Variants in ANTXR1 observed in about 807,000 individuals in gnomAD.
The protein encoded by ANTXR1 is anthrax toxin receptor 1.
ANTXR1 carries 19 observed loss-of-function variants against 78.1 expected under a neutral mutation model. That is an observed-to-expected ratio of 0.24 (90% CI 0.17 to 0.36). The LOEUF is 0.36. ANTXR1 is among the 10% of genes least tolerant of loss of function. The pLI is 1.00. For synonymous variants in ANTXR1, 273 were observed against 260.5 expected (o/e 1.05, Z -0.46); for missense variants, 518 against 718.6 (o/e 0.72, Z 3.19).
chr2:69,124,778 C>A, intron 12 of ANTXR1, 135 bp downstream of exon 12: 1 of 865,552 alleles, frequency 1.2e-6, no homozygotes, highest in Non-Finnish European at 1.9e-6. Context: ...GCTTTGATCC[C>A]AGCACTGCTC....
At chr2:69,071,369 A>C (rs1015606638) in intron 4 of ANTXR1, among the ~76,000 whole-genome samples, 4 of 152,242 alleles carry the variant, frequency 2.6e-5, no homozygotes, top group African/African-American at 9.6e-5. Context: ...ACTGTACTAT[A>C]CATTGTAGGC....
intron 12 of ANTXR1, 116 bp downstream of exon 12, chr2:69,124,759 G>A: frequency 9.6e-7 from 1 of 1,041,578 alleles, no homozygotes; most frequent in Non-Finnish European, 1.5e-6. Flanking sequence ...TCTTCGTTCT[G>A]CTTGCTGAGC....
intron 1 of ANTXR1, among the ~76,000 whole-genome samples, chr2:69,030,814 A>G (rs1671508853): frequency 6.6e-6 from 1 of 152,200 alleles, no homozygotes; most frequent in Non-Finnish European, 1.5e-5. Flanking sequence ...ATGAATAGCA[A>G]AGTACACCAA....
intron 17 of ANTXR1, among the ~76,000 whole-genome samples, chr2:69,202,224 C>G (rs970880170): frequency 6.6e-6 from 1 of 152,084 alleles, no homozygotes; most frequent in South Asian, 2.1e-4. Flanking sequence ...TAAGAAGGAC[C>G]AGCCAAGAGA....
rs953116472 is a variant in ANTXR1, at chr2:69,246,480, GTTTTT to G, written c.*997_*1001del. 1.3e-5 allele frequency: 2 copies of G among 151,726 alleles called. No individual in the cohort carries two copies. Among genetic ancestry groups the G allele is most frequent in the East Asian group, 3.8e-4 (2 of 5,198 alleles). The allele number at this position is 151,726 out of a possible 1,614,324, so 9.4% of individuals were successfully genotyped here. The stretch of plus-strand genomic sequence containing the variant: ...TATCACTAGTTTTTTTTGTTTGTTT[GTTTTT>G]TGTTTTTTTTCTTGGTAAAGCCATG... On this transcript the variant is annotated 3_prime_UTR_variant, in exon 18 of 18. Coordinates refer to ENST00000303714, the MANE Select transcript of ANTXR1 (RefSeq NM_032208.3).
intron 3 of ANTXR1, among the ~76,000 whole-genome samples, chr2:69,063,929 G>C (rs926331411): frequency 6.6e-6 from 1 of 151,680 alleles, no homozygotes; most frequent in African/African-American, 2.4e-5. Flanking sequence ...GTTTTTAAAA[G>C]CTAATAGATG....
Position 69,245,482 on chromosome 2 carries a change from C to T in ANTXR1, c.1692C>T (p.Val564=), listed in dbSNP as rs767070761. The stretch of plus-strand genomic sequence containing the variant: ...CCCGCCCTCCTCCAAGGCCTTCTGT[C>T]TAGAGCCCAAAGTTCCTGCTCTGGG... ...PPSRPPPRPS[V] The change falls in exon 18 of 18, where the codon GTC becomes GTT. Residue 564 remains valine (V), a synonymous_variant. Coordinates refer to ENST00000303714, the MANE Select transcript of ANTXR1 (RefSeq NM_032208.3). 4.8e-5 allele frequency: 77 copies of T among 1,612,634 alleles called. No homozygotes were observed. The Admixed American group carries it at 1.2e-3, about 26-fold the overall frequency.
At chr2:69,242,608 G>A (rs1378904099) in intron 17 of ANTXR1, among the ~76,000 whole-genome samples, 1 of 152,160 alleles carries the variant, frequency 6.6e-6, no homozygotes, top group African/African-American at 2.4e-5. Flanking sequence ...CTCAACCCCA[G>A]GCACCAGCAG....
At chr2:69,092,832 G>C (rs919478296) in intron 9 of ANTXR1, among the ~76,000 whole-genome samples, 3 of 152,172 alleles carry the variant, frequency 2.0e-5, no homozygotes, top group Non-Finnish European at 1.5e-5. Context: ...TCAGGTAGAG[G>C]AATTGAGTAG....
chr2:69,187,823 T>C (rs1030417188), intron 16 of ANTXR1, among the ~76,000 whole-genome samples: 13 of 151,534 alleles, frequency 8.6e-5, no homozygotes, highest in Non-Finnish European at 1.8e-4. Context: ...TCTCTTGACC[T>C]CTTGATCTGA....
At chr2:69,223,192 G>A (rs1468876748) in intron 17 of ANTXR1, among the ~76,000 whole-genome samples, 1 of 152,190 alleles carries the variant, frequency 6.6e-6, no homozygotes, top group Non-Finnish European at 1.5e-5. Context: ...CACTTCAAGT[G>A]TGCATGGATA....
chr2:69,077,039 A>T (rs775927510), intron 7 of ANTXR1, among the ~76,000 whole-genome samples: 5 of 152,238 alleles, frequency 3.3e-5, no homozygotes, highest in Admixed American at 6.5e-5. Context: ...CTTGATTCAG[A>T]TAAAGTTGCC....
In ANTXR1 at chr2:69,245,211, C is replaced by A; in HGVS notation, c.1435-14C>A. 5 of 1,614,044 alleles carry A rather than the reference C, an allele frequency of 3.1e-6. No individual in the cohort carries two copies. The highest frequency in any genetic ancestry group is 4.2e-6 in the Non-Finnish European group (5 of 1,180,008). ...CCGTCCGCTCACGTTTCCTTCTCTC[C>A]AATTCTTTTCTAGGGGCGCTGCATC... is the stretch of plus-strand genomic sequence containing the variant. On this transcript the variant is annotated splice_polypyrimidine_tract_variant and intron_variant, in intron 17 of 17. Transcript: ENST00000303714.
intron 17 of ANTXR1, 26 bp from the exon 18 acceptor site, chr2:69,245,199 T>A (rs376269197): frequency 3.7e-5 from 60 of 1,613,294 alleles, no homozygotes; most frequent in Non-Finnish European, 4.9e-5. Context: ...TCCGCTCACG[T>A]TTCCTTCTCT....
chr2:69,177,489 C>T (rs896420084), intron 14 of ANTXR1, among the ~76,000 whole-genome samples: 2 of 152,190 alleles, frequency 1.3e-5, no homozygotes, highest in African/African-American at 2.4e-5. Context: ...CAGAAGGGGC[C>T]TCTACCATCT....
At chr2:69,103,430 A>AC (rs140560308) in intron 10 of ANTXR1, 20,200 of 194,040 alleles carry the variant, frequency 0.1, 1,452 homozygotes, top group African/African-American at 0.21. Flanking sequence ...CGAAAACCAA[A>AC]CCATTAGGCT....
intron 17 of ANTXR1, among the ~76,000 whole-genome samples, chr2:69,223,940 T>C (rs140489926): frequency 1.0e-3 from 154 of 152,362 alleles, no homozygotes; most frequent in African/African-American, 3.4e-3. Context: ...ACCCTTCCCT[T>C]AGAGTTTTCA....
intron 13 of ANTXR1, among the ~76,000 whole-genome samples, chr2:69,163,231 A>T (rs1480145272): frequency 6.6e-6 from 1 of 151,972 alleles, no homozygotes; most frequent in Non-Finnish European, 1.5e-5. Flanking sequence ...GATGGCTATG[A>T]CTCAGCGTCT....
intron 17 of ANTXR1, among the ~76,000 whole-genome samples, chr2:69,219,890 C>T (rs962192787): frequency 7.9e-5 from 12 of 152,008 alleles, no homozygotes; most frequent in Non-Finnish European, 1.8e-4. Context: ...TTGAGCCCTC[C>T]CATAAGCATC....
Sources: allele counts gnomAD v4.1 joint callset (sites outside exome capture counted in the v4.1 genomes callset), GRCh38; gene constraint gnomAD v4.1.1; transcripts MANE v1.5; gene names NCBI Gene and HGNC (gene_info 2026-07-23, HGNC 2026-07-21).